SYNPR: variants seen among roughly 807,000 people sequenced by gnomAD.
SYNPR encodes synaptoporin.
Under a neutral mutation model 32.9 loss-of-function variants are expected in SYNPR, and 23 were observed. That is an observed-to-expected ratio of 0.70 (90% confidence interval 0.50 to 0.99). The LOEUF (loss-of-function observed/expected upper bound fraction) is 0.99. Among genes scored for constraint, SYNPR ranks in the 50% least tolerant of loss-of-function variants. The pLI, the probability that SYNPR is intolerant of heterozygous loss-of-function variation, is 0.00. For synonymous variants in SYNPR, 146 were observed against 135.9 expected (o/e 1.07, Z -0.52); for missense variants, 318 against 349.3 (o/e 0.91, Z 0.71).
At chr3:63,296,307 G>A (rs939592192) in intron 2 of SYNPR, among the ~76,000 whole-genome samples, 4 of 152,122 alleles carry the variant, frequency 2.6e-5, no homozygotes, top group Non-Finnish European at 5.9e-5. Context: ...ACATTGTGAG[G>A]TCCATCCTTT....
rs1491175449 is a variant in SYNPR at position 63,494,435 on chromosome 3, GTA to G, written c.209+13490_209+13491del. 4.9e-4 allele frequency among the ~76,000 whole-genome samples: 34 copies of G among 69,844 alleles called. 1 individual carries two copies. Among genetic ancestry groups the G allele is most frequent in the Admixed American group, 1.2e-3 (7 of 5,958 alleles). 45.8% of individuals were successfully genotyped at this position (69,844 alleles called of 152,430 possible). ...TATATATACGTATATATATATATAC[GTA>G]TATATATATACACATATATATACAT... On this transcript the variant is annotated intron_variant, in intron 3 of 5. Coordinates refer to ENST00000478300, the MANE Select transcript of SYNPR (RefSeq NM_001130003.2).
chr3:63,245,708 AGAGTGTGT>A (rs57609843), intron 1 of SYNPR, among the ~76,000 whole-genome samples: 2,451 of 49,932 alleles, frequency 0.049, 38 homozygotes, highest in African/African-American at 0.19. Context: ...AGAGAGAGAG[AGAGTGTGT>A]GTGTGTGTGT....
intron 3 of SYNPR, among the ~76,000 whole-genome samples, chr3:63,512,793 T>C (rs935688232): frequency 3.3e-5 from 5 of 152,174 alleles, no homozygotes; most frequent in African/African-American, 7.2e-5. Flanking sequence ...TGTGAAAATA[T>C]AGCATAGTAA....
At chr3:63,601,636 A>G (rs1241914694) in intron 4 of SYNPR, among the ~76,000 whole-genome samples, 1 of 152,190 alleles carries the variant, frequency 6.6e-6, no homozygotes, top group African/African-American at 2.4e-5. Flanking sequence ...GCTTAGGATT[A>G]TGGTCTCCAG....
intron 2 of SYNPR, among the ~76,000 whole-genome samples, chr3:63,374,644 A>G (rs981289620): frequency 7.9e-5 from 12 of 152,234 alleles, no homozygotes; most frequent in South Asian, 2.1e-4. Flanking sequence ...AATCACTTTT[A>G]TATCCCAAGT....
chr3:63,266,211 A>G (rs2086483998), intron 2 of SYNPR, among the ~76,000 whole-genome samples: 1 of 152,040 alleles, frequency 6.6e-6, no homozygotes, highest in Admixed American at 6.5e-5. Flanking sequence ...AAAGAGAAGA[A>G]GTTATAAACT....
At position 63,485,529 on chromosome 3, in the gene SYNPR, A is replaced by C. The variant is rs145964960; in HGVS notation, c.209+4573A>C. ...TCATGGGACATTTCAGTTGGAGAGA[A>C]AGTGTGTCGAGCTGTGGGGGAATGG... On this transcript the variant is annotated intron_variant, in intron 3 of 5. Coordinates refer to ENST00000478300, the MANE Select transcript of SYNPR (RefSeq NM_001130003.2). Among the ~76,000 whole-genome samples, 933 of 152,262 alleles carry C rather than the reference A, an allele frequency of 6.1e-3. 17 individuals carry two copies. The highest frequency in any genetic ancestry group is 0.02 in the Middle Eastern group (6 of 294).
intron 1 of SYNPR, among the ~76,000 whole-genome samples, chr3:63,229,146 G>A (rs1302142025): frequency 6.6e-6 from 1 of 151,954 alleles, no homozygotes; most frequent in Non-Finnish European, 1.5e-5. Context: ...TATAGCCTTG[G>A]GCAAAAAACT....
intron 5 of SYNPR, among the ~76,000 whole-genome samples, chr3:63,613,789 T>G (rs1700238572): frequency 6.6e-6 from 1 of 152,096 alleles, no homozygotes; most frequent in South Asian, 2.1e-4. Flanking sequence ...AAGAAAGGAA[T>G]TCTTGTCTCC....
At chr3:63,225,942 CA>C (rs1254952026), upstream of SYNPR, among the ~76,000 whole-genome samples, 1 of 151,200 alleles carries the variant, frequency 6.6e-6, no homozygotes, top group Non-Finnish European at 1.5e-5. Context: ...ACAAGGTACC[CA>C]AAAACTCAAC....
chr3:63,477,554 C>T (rs1041825427), intron 2 of SYNPR, among the ~76,000 whole-genome samples: 7 of 152,240 alleles, frequency 4.6e-5, no homozygotes, highest in Admixed American at 3.9e-4. Context: ...TTCAGCAGCT[C>T]TCTCATCAGC....
chr3:63,424,672 ACT>A (rs1222840566), intron 2 of SYNPR, among the ~76,000 whole-genome samples: 3 of 152,134 alleles, frequency 2.0e-5, no homozygotes, highest in Non-Finnish European at 2.9e-5. Flanking sequence ...CTTTGCAATC[ACT>A]CTGTTAGCAC....
chr3:63,437,631 A>G (rs1158479149), intron 2 of SYNPR, among the ~76,000 whole-genome samples: 2 of 142,118 alleles, frequency 1.4e-5, no homozygotes, highest in Non-Finnish European at 3.1e-5. Flanking sequence ...GAAGAAAGGA[A>G]GTGAAGGGAG....
chr3:63,286,178 G>A (rs776664846), intron 2 of SYNPR, among the ~76,000 whole-genome samples: 6 of 152,174 alleles, frequency 3.9e-5, no homozygotes, highest in Admixed American at 6.5e-5. Flanking sequence ...CTCTTCAGGC[G>A]CTTGCTCCTT....
At chr3:63,274,757 G>A (rs1325539458), upstream of SYNPR, among the ~76,000 whole-genome samples, 2 of 152,142 alleles carry the variant, frequency 1.3e-5, no homozygotes, top group Non-Finnish European at 2.9e-5. Flanking sequence ...TTGAGTAACT[G>A]TCCTCTGAAT....
chr3:63,302,655 A>G (rs535947304), intron 2 of SYNPR, among the ~76,000 whole-genome samples: 16 of 152,062 alleles, frequency 1.1e-4, no homozygotes, highest in Non-Finnish European at 2.1e-4. Context: ...TAAGGCACCA[A>G]TAATATTTAA....
chr3:63,218,143 T>A, the SYNPR span, among the ~76,000 whole-genome samples: 119,736 of 152,100 alleles, frequency 0.79, 47,663 homozygotes, highest in Middle Eastern at 0.87. Flanking sequence ...AAAAATACAT[T>A]AATAAATAAT....
chr3:63,243,273 A>G (rs1450494841), intron 1 of SYNPR, among the ~76,000 whole-genome samples: 3 of 150,690 alleles, frequency 2.0e-5, no homozygotes, highest in Non-Finnish European at 4.4e-5. Flanking sequence ...GAATCATCAT[A>G]GTTAAACTGC....
At chr3:63,223,590 C>A (rs1027504360), upstream of SYNPR, among the ~76,000 whole-genome samples, 1 of 150,364 alleles carries the variant, frequency 6.7e-6, no homozygotes, top group African/African-American at 2.5e-5. Flanking sequence ...ATTTTGTCAG[C>A]CAGCCACGAT....
Sources: allele counts gnomAD v4.1 joint callset (sites outside exome capture counted in the v4.1 genomes callset), GRCh38; gene constraint gnomAD v4.1.1; transcripts MANE v1.5; gene names NCBI Gene and HGNC (gene_info 2026-07-23, HGNC 2026-07-21).